Variants in PCDH9 observed in about 807,000 individuals in gnomAD.
PCDH9 encodes protocadherin-9.
Under a neutral mutation model 70.6 loss-of-function variants are expected in PCDH9, and 24 were observed. The observed-to-expected ratio is 0.34, with a 90% CI of 0.25 to 0.48. The LOEUF is 0.48. PCDH9 is among the 20% of genes least tolerant of loss of function. PCDH9 has a pLI of 0.99. For synonymous variants in PCDH9, 562 were observed against 558.5 expected (o/e 1.01, Z -0.09); for missense variants, 1,281 against 1,503.6 (o/e 0.85, Z 2.45).
At chr13:66,525,301 C>G (rs1960164824) in intron 4 of PCDH9, among the ~76,000 whole-genome samples, 1 of 152,110 alleles carries the variant, frequency 6.6e-6, no homozygotes, top group Admixed American at 6.6e-5. Context: ...TCTTTACAGT[C>G]CTCCAGGATT....
intron 3 of PCDH9, among the ~76,000 whole-genome samples, chr13:66,839,022 TTAATC>T (rs2081071170): frequency 6.6e-6 from 1 of 152,036 alleles, no homozygotes; most frequent in Non-Finnish European, 1.5e-5. Context: ...TAATGAAATT[TTAATC>T]AGTTTCCTAA....
chr13:66,557,684 T>C (rs1290960520), intron 4 of PCDH9, among the ~76,000 whole-genome samples: 1 of 152,198 alleles, frequency 6.6e-6, no homozygotes, highest in East Asian at 1.9e-4. Flanking sequence ...TAAACTATTA[T>C]AAGTATTTAG....
chr13:66,402,939 C>T (rs1250448018), intron 4 of PCDH9, among the ~76,000 whole-genome samples: 1 of 152,122 alleles, frequency 6.6e-6, no homozygotes, highest in African/African-American at 2.4e-5. Flanking sequence ...AAACATACTA[C>T]TACTAATATG....
chr13:66,917,710 A>C (rs1199040119), intron 2 of PCDH9, among the ~76,000 whole-genome samples: 1 of 151,466 alleles, frequency 6.6e-6, no homozygotes, highest in Non-Finnish European at 1.5e-5. Flanking sequence ...AAAGAGATAC[A>C]TGAATATTCC....
chr13:66,399,152 T>A (rs1957149246), intron 4 of PCDH9, among the ~76,000 whole-genome samples: 1 of 152,186 alleles, frequency 6.6e-6, no homozygotes, highest in African/African-American at 2.4e-5. Context: ...GGAGTATCAA[T>A]GAGAATGTAT....
At chr13:66,725,145 T>A (rs532300407) in intron 3 of PCDH9, among the ~76,000 whole-genome samples, 139 of 152,320 alleles carry the variant, frequency 9.1e-4, no homozygotes, top group African/African-American at 3.0e-3. Context: ...TCCAGTTTGT[T>A]ATATAATTGT....
chr13:66,745,722 C>G (rs1019994013), intron 3 of PCDH9, among the ~76,000 whole-genome samples: 1 of 152,002 alleles, frequency 6.6e-6, no homozygotes, highest in Admixed American at 6.6e-5. Context: ...TCGAATATCT[C>G]CCCCATTCCA....
At chr13:66,968,697 G>T (rs555386818) in intron 2 of PCDH9, among the ~76,000 whole-genome samples, 3 of 152,004 alleles carry the variant, frequency 2.0e-5, no homozygotes, top group Admixed American at 1.3e-4. Flanking sequence ...TAAAATCATT[G>T]TTAAAAAATA....
At chr13:66,873,998 T>C (rs7326678) in intron 3 of PCDH9, among the ~76,000 whole-genome samples, 4,085 of 146,404 alleles carry the variant, frequency 0.028, 180 homozygotes, top group African/African-American at 0.098. Flanking sequence ...GAGAGTGAAG[T>C]GGCACAGGCA....
At chr13:66,671,966 G>GA (rs1406820897) in intron 3 of PCDH9, among the ~76,000 whole-genome samples, 2 of 152,134 alleles carry the variant, frequency 1.3e-5, no homozygotes, top group Non-Finnish European at 2.9e-5. Flanking sequence ...AAAACAATGG[G>GA]AAAAATATTT....
intron 2 of PCDH9, among the ~76,000 whole-genome samples, chr13:67,020,874 C>A (rs2084661080): frequency 6.6e-6 from 1 of 152,030 alleles, no homozygotes; most frequent in Non-Finnish European, 1.5e-5. Flanking sequence ...GTATTTTGAG[C>A]CCACAAATCT....
At chr13:66,641,958 T>G (rs1334359951) in intron 3 of PCDH9, among the ~76,000 whole-genome samples, 1 of 152,178 alleles carries the variant, frequency 6.6e-6, no homozygotes, top group African/African-American at 2.4e-5. Context: ...AAATATTGTT[T>G]GCAGTTGAAA....
rs1436348249 is a variant in PCDH9, at chr13:67,227,084, C to T, written c.1357G>A (p.Ala453Thr). The T allele has an allele frequency of 1.2e-6, 2 of 1,614,034 alleles. No homozygotes were observed. The highest frequency in any genetic ancestry group is 2.2e-5 in the East Asian group (1 of 44,888). The change falls in exon 2 of 5, where the codon GCC (alanine) becomes ACC (threonine). Residue 453 changes from alanine (A) to threonine (T), a missense_variant. Ala to Thr is a moderately conservative substitution (Grantham distance 58, BLOSUM62 0). Coordinates refer to ENST00000377865, the MANE Select transcript of PCDH9 (RefSeq NM_203487.3). This position sits in a 1 kb window ranked among gnomAD's most constrained non-coding sequence, Gnocchi z 4.6. ...TCCTCAAGCTTAACCCTTACCAGGG[C>T]AGTCTGATTTAAACTGGGCTTCCCA... is the stretch of plus-strand genomic sequence containing the variant. ...DSGKPSLNQT[A>T]LVRVKLEDEN...
intron 3 of PCDH9, among the ~76,000 whole-genome samples, chr13:66,824,269 C>A (rs1386705329): frequency 1.5e-5 from 2 of 133,790 alleles, no homozygotes; most frequent in Non-Finnish European, 3.2e-5. Context: ...ACAGCTAGAG[C>A]CAATTTTAAA....
intron 2 of PCDH9, among the ~76,000 whole-genome samples, chr13:67,081,030 C>G (rs1368540669): frequency 6.6e-6 from 1 of 151,986 alleles, no homozygotes; most frequent in Admixed American, 6.6e-5. Flanking sequence ...ATGGAAGGTG[C>G]TTTTAAATTA....
intron 3 of PCDH9, among the ~76,000 whole-genome samples, chr13:66,857,082 A>G (rs9540936): frequency 0.57 from 86,374 of 151,842 alleles, 26,257 homozygotes; most frequent in South Asian, 0.68. Context: ...AGTCCTTTTA[A>G]TTTTTTATTT....
rs940992432 is a variant in PCDH9, at chr13:67,116,734, T to C, written c.3036+108671A>G. Among the ~76,000 whole-genome samples the C allele has an allele frequency of 3.3e-5, 5 of 152,300 alleles. No individual in the cohort carries two copies. In the East Asian group the frequency reaches 9.6e-4, roughly 29 times the overall value. ...CACCATCAATATACACAAGATACTA[T>C]AAAAATCATTATGTTCCAGGTGAAG... On this transcript the variant is annotated intron_variant, in intron 2 of 4. Transcript: ENST00000377865.
chr13:66,647,366 A>G (rs2138980650), intron 3 of PCDH9, among the ~76,000 whole-genome samples: 1 of 152,274 alleles, frequency 6.6e-6, no homozygotes, highest in South Asian at 2.1e-4. Context: ...CAACCATAGT[A>G]GGATAGAGCA....
intron 4 of PCDH9, among the ~76,000 whole-genome samples, chr13:66,466,424 T>C (rs1958515025): frequency 6.6e-6 from 1 of 152,090 alleles, no homozygotes; most frequent in Admixed American, 6.6e-5. Flanking sequence ...AGCCAGTCCA[T>C]AGGGAGAATA....
Sources: gnomAD v4.1 joint callset for allele counts (sites outside exome capture counted in the v4.1 genomes callset) on GRCh38, gnomAD v4.1.1 for gene constraint, Gnocchi (gnomAD v3.1) non-coding constraint, MANE v1.5 for transcripts, NCBI Gene and HGNC (gene_info 2026-07-23, HGNC 2026-07-21) for gene names.